The following TMEM232 variants were observed in gnomAD, a reference collection of about 807,000 sequenced individuals.
TMEM232 encodes the protein transmembrane protein 232.
TMEM232 carries 80 observed loss-of-function variants against 78.8 expected under a neutral mutation model. The ratio of observed to expected loss-of-function variants is 1.01; its 90% confidence interval spans 0.85 to 1.22. The LOEUF (loss-of-function observed/expected upper bound fraction) is 1.22, where lower values mean the gene tolerates loss of function less well. Among genes scored for constraint, TMEM232 ranks in the 50% most tolerant of loss-of-function variants. TMEM232 has a pLI of 0.00. For synonymous variants in TMEM232, 297 were observed against 254.3 expected (o/e 1.17, Z -1.60); for missense variants, 881 against 742.2 (o/e 1.19, Z -2.17).
Position 110,638,270 on chromosome 5 carries a change from C to A in TMEM232, c.429G>T (p.Ser143=). 2.6e-6 allele frequency: 4 copies of A among 1,550,644 alleles called. No individual in the cohort carries two copies. The highest frequency in any genetic ancestry group is 1.7e-4 in the Middle Eastern group (1 of 5,982). Residue 143 remains serine (S), a synonymous_variant, in exon 5 of 14, where the codon TCG becomes TCT. Coordinates refer to ENST00000455884, the MANE Select transcript of TMEM232 (RefSeq NM_001039763.4). ...HLPALFFVAE[S]VLYRLCCDAS... is the part of the protein sequence containing the mutation. ...CATCACAACACAGTCTGTATAAAACCGATTCCGCAACAAAAAATAAGGCAG... is the reference window on the plus strand; with the variant it reads ...CATCACAACACAGTCTGTATAAAACAGATTCCGCAACAAAAAATAAGGCAG...
intron 12 of TMEM232, among the ~76,000 whole-genome samples, chr5:110,493,534 T>C (rs1561566323): frequency 6.6e-6 from 1 of 152,084 alleles, no homozygotes; most frequent in Non-Finnish European, 1.5e-5. Flanking sequence ...TTATTCTACA[T>C]GGAAATTTGA....
At chr5:110,551,872 C>T (rs949189989) in intron 11 of TMEM232, among the ~76,000 whole-genome samples, 2 of 151,816 alleles carry the variant, frequency 1.3e-5, no homozygotes, top group Non-Finnish European at 2.9e-5. Context: ...ATATGTCAAC[C>T]TAGAATTCTA....
intron 12 of TMEM232, among the ~76,000 whole-genome samples, chr5:110,486,679 T>A (rs1027643729): frequency 3.3e-5 from 5 of 152,190 alleles, no homozygotes; most frequent in African/African-American, 1.2e-4. Context: ...TCTATGTGCC[T>A]ATTTTTACAC....
At chr5:110,590,349 T>C (rs759181861) in intron 10 of TMEM232, among the ~76,000 whole-genome samples, 3 of 152,088 alleles carry the variant, frequency 2.0e-5, no homozygotes, top group Admixed American at 6.6e-5. Context: ...CTGTTAGGAA[T>C]TGGGCCATAC....
chr5:110,720,210 T>C lies in TMEM232; in HGVS notation c.-13+6417A>G, dbSNP rs988041768. 2.6e-5 allele frequency among the ~76,000 whole-genome samples: 4 copies of C among 152,254 alleles called. No homozygotes were observed. In the East Asian group the frequency reaches 5.8e-4, roughly 22 times the overall value. On this transcript the variant is annotated intron_variant, in intron 1 of 13. Transcript: ENST00000455884. Reference sequence around the variant, plus strand: ...AGCAGAGCAGTAGCTTCCAGTCTTCTTGGCTTGCCTCTTCTCTTGTGAAAC... The same window carrying C: ...AGCAGAGCAGTAGCTTCCAGTCTTCCTGGCTTGCCTCTTCTCTTGTGAAAC...
At chr5:110,673,145 C>T (rs976409602) in intron 1 of TMEM232, among the ~76,000 whole-genome samples, 9 of 152,102 alleles carry the variant, frequency 5.9e-5, no homozygotes, top group African/African-American at 1.9e-4. Flanking sequence ...GAGTTCATGT[C>T]CTTTGTAGGG....
intron 1 of TMEM232, among the ~76,000 whole-genome samples, chr5:110,702,653 A>T (rs370787918): frequency 4.6e-5 from 7 of 152,048 alleles, no homozygotes; most frequent in African/African-American, 1.7e-4. Flanking sequence ...TTTGATGTCC[A>T]GACAGGATTT....
chr5:110,554,109 A>G (rs1774783689), intron 11 of TMEM232, among the ~76,000 whole-genome samples: 1 of 152,166 alleles, frequency 6.6e-6, no homozygotes, highest in African/African-American at 2.4e-5. Flanking sequence ...GAAGGATACA[A>G]AGTATTGATC....
At chr5:110,492,032 G>T (rs528563818) in intron 12 of TMEM232, among the ~76,000 whole-genome samples, 2 of 151,566 alleles carry the variant, frequency 1.3e-5, no homozygotes, top group African/African-American at 4.8e-5. Context: ...ACAGACAATT[G>T]CCAGCAAACA....
chr5:110,508,986 A>G (rs1312907601), intron 12 of TMEM232, among the ~76,000 whole-genome samples: 1 of 127,526 alleles, frequency 7.8e-6, no homozygotes, highest in Admixed American at 7.7e-5. Context: ...AAAATTATAT[A>G]TGTGTATATA....
Position 110,420,705 on chromosome 5 carries a change from G to T in TMEM232, c.1849C>A (p.Gln617Lys), listed in dbSNP as rs773102813. ...REKEDAICKAQELKDKKLAEK... is the reference protein window; with the variant it reads ...REKEDAICKAKELKDKKLAEK... ...GCTAACTTTTTATCTTTAAGTTCTTGGGCCTTGCATATTGCATCTTCTTTT... is the reference window on the plus strand; with the variant it reads ...GCTAACTTTTTATCTTTAAGTTCTTTGGCCTTGCATATTGCATCTTCTTTT... Residue 617 changes from glutamine to lysine, a missense_variant, in exon 14 of 14, where the codon CAA (glutamine) becomes AAA (lysine). Gln to Lys is a moderately conservative substitution (Grantham distance 53). Transcript: ENST00000455884. The T allele has an allele frequency of 1.8e-5, 27 of 1,525,728 alleles. No homozygotes were observed. Among genetic ancestry groups the T allele is most frequent in the Non-Finnish European group, 2.3e-5 (26 of 1,143,606 alleles). The allele number at this position is 1,525,728 out of a possible 1,614,324, so 94.5% of individuals were successfully genotyped here.
Position 110,640,893 on chromosome 5 carries a change from T to C in TMEM232, c.341A>G (p.Asp114Gly), listed in dbSNP as rs1212430413. 7.2e-6 allele frequency: 11 copies of C among 1,524,316 alleles called. No individual in the cohort carries two copies. The highest frequency in any genetic ancestry group is 3.4e-4 in the Middle Eastern group (2 of 5,920). 94.4% of individuals were successfully genotyped at this position (1,524,316 alleles called of 1,614,324 possible). ...YLAQCKGEIQ[D>G]ESLNMLYASL... ...TAATAAGAATTTAAAGTACGTACCA[T>C]CTTGGATTTCCCCTTTGCATTGAGC... Residue 114 changes from aspartate (D) to glycine (G), a missense_variant and splice_region_variant, in exon 4 of 14, where the codon GAT (aspartate) becomes GGT (glycine). Transcript: ENST00000455884.
intron 11 of TMEM232, among the ~76,000 whole-genome samples, chr5:110,566,695 A>C (rs1462161733): frequency 6.6e-6 from 1 of 151,956 alleles, no homozygotes; most frequent in African/African-American, 2.4e-5. Flanking sequence ...CATCTCTAGA[A>C]GTTCCAAACT....
chr5:110,727,131 G>A (rs1798234204), upstream of TMEM232, among the ~76,000 whole-genome samples: 1 of 152,182 alleles, frequency 6.6e-6, no homozygotes, highest in Admixed American at 6.5e-5. Context: ...CTAAACACCA[G>A]AGGGCGAATT....
At chr5:110,582,904 T>C (rs1161684568) in intron 10 of TMEM232, among the ~76,000 whole-genome samples, 1 of 152,020 alleles carries the variant, frequency 6.6e-6, no homozygotes, top group Non-Finnish European at 1.5e-5. Context: ...AAACATTACA[T>C]TTATGATAGC....
chr5:110,391,938 G>GA (rs1263204259), intron 3 of TMEM232, among the ~76,000 whole-genome samples: 3 of 152,162 alleles, frequency 2.0e-5, no homozygotes, highest in African/African-American at 7.2e-5. Context: ...CAGGCTTACT[G>GA]ATAAACTGAG....
chr5:110,635,505 A>G (rs1580446315), intron 5 of TMEM232, among the ~76,000 whole-genome samples: 1 of 152,160 alleles, frequency 6.6e-6, no homozygotes, highest in East Asian at 1.9e-4. Flanking sequence ...TTGGATTTAT[A>G]CCAGGGAATC....
At chr5:110,557,134 AAGATTCTTTTCTC>A (rs1263310663) in intron 11 of TMEM232, among the ~76,000 whole-genome samples, 4 of 152,114 alleles carry the variant, frequency 2.6e-5, no homozygotes, top group Admixed American at 2.0e-4. Flanking sequence ...TTTGAGCTCC[AAGATTCTTTTCTC>A]AGCTTGATCT....
intron 12 of TMEM232, among the ~76,000 whole-genome samples, chr5:110,497,172 C>G (rs192646749): frequency 1.2e-4 from 18 of 151,930 alleles, no homozygotes; most frequent in Non-Finnish European, 2.4e-4. Flanking sequence ...GCAATACCAA[C>G]CATACATTAA....
Sources: allele counts gnomAD v4.1 joint callset (sites outside exome capture counted in the v4.1 genomes callset), GRCh38; gene constraint gnomAD v4.1.1; transcripts MANE v1.5; gene names NCBI Gene and HGNC (gene_info 2026-07-23, HGNC 2026-07-21).